Variants in KAZN observed in about 807,000 individuals in gnomAD.
KAZN encodes kazrin.
A neutral mutation model predicts 87.4 loss-of-function variants in KAZN; 40 were observed. The ratio of observed to expected loss-of-function variants is 0.46; its 90% CI spans 0.36 to 0.60. The LOEUF (loss-of-function observed/expected upper bound fraction) is 0.60, where lower values mean the gene tolerates loss of function less well. Among genes scored for constraint, KAZN ranks in the 20% least tolerant of loss-of-function variants. KAZN has a pLI of 0.00. For missense variants in KAZN, 898 were observed against 1,073.9 expected (o/e 0.84, Z 2.29); for synonymous variants, 466 against 458.3 (o/e 1.02, Z -0.22).
chr1:14,740,638 C>T (rs1183912793), intron 1 of KAZN, among the ~76,000 whole-genome samples: 2 of 152,142 alleles, frequency 1.3e-5, no homozygotes, highest in Non-Finnish European at 2.9e-5. Flanking sequence ...CCCCACAGAC[C>T]TCTCCCGCTC....
intron 8 of KAZN, chr1:15,068,166 T>G: frequency 1.2e-6 from 1 of 846,468 alleles, no homozygotes. Flanking sequence ...AATTCTATGT[T>G]ATTTGATTGC....
intron 2 of KAZN, among the ~76,000 whole-genome samples, chr1:14,318,684 C>T (rs934436154): frequency 7.2e-5 from 11 of 151,994 alleles, no homozygotes; most frequent in African/African-American, 1.9e-4. Flanking sequence ...TGAGATCACT[C>T]GATATTGTCG....
At chr1:14,876,146 G>T (rs1217814641) in intron 1 of KAZN, among the ~76,000 whole-genome samples, 2 of 152,248 alleles carry the variant, frequency 1.3e-5, no homozygotes, top group Admixed American at 1.3e-4. Flanking sequence ...GCACCTCAGA[G>T]GCTTGCCGCG....
chr1:14,383,211 A>G (rs1377389941), intron 2 of KAZN, among the ~76,000 whole-genome samples: 1 of 151,742 alleles, frequency 6.6e-6, no homozygotes. Context: ...GATTCTGGAT[A>G]TTAGCCCTTT....
At chr1:14,267,060 C>T (rs1651537876) in intron 2 of KAZN, among the ~76,000 whole-genome samples, 1 of 139,864 alleles carries the variant, frequency 7.1e-6, no homozygotes, top group African/African-American at 2.6e-5. Context: ...ACAACAGTCC[C>T]CGCTGGTGTG....
intron 4 of KAZN, among the ~76,000 whole-genome samples, chr1:15,052,925 G>A (rs544721294): frequency 1.1e-3 from 168 of 152,316 alleles, no homozygotes; most frequent in Non-Finnish European, 2.0e-3. Flanking sequence ...GAAGGAAGCC[G>A]ATGGGTTCAG....
chr1:15,101,349 C>T (rs928241612), intron 10 of KAZN, among the ~76,000 whole-genome samples, 194 bp from the exon 11 acceptor site: 1 of 151,758 alleles, frequency 6.6e-6, no homozygotes, highest in Non-Finnish European at 1.5e-5. Context: ...TCTGCCCTTT[C>T]TGTCTCATTT....
intron 3 of KAZN, among the ~76,000 whole-genome samples, chr1:15,038,359 T>G (rs10927642): frequency 0.26 from 39,353 of 152,068 alleles, 5,420 homozygotes; most frequent in African/African-American, 0.33. Flanking sequence ...CAGGGACTGA[T>G]GTGATGGCTG....
At chr1:14,253,849 C>T (rs1373394376) in intron 2 of KAZN, among the ~76,000 whole-genome samples, 7 of 151,170 alleles carry the variant, frequency 4.6e-5, no homozygotes, top group African/African-American at 1.2e-4. Context: ...ATATTCATGT[C>T]GCAGATGTAT....
intron 1 of KAZN, among the ~76,000 whole-genome samples, chr1:14,893,461 G>A (rs576214978): frequency 1.3e-5 from 2 of 152,284 alleles, no homozygotes; most frequent in African/African-American, 2.4e-5. Context: ...AGTAGGTCAC[G>A]GGGGCTTCTC....
chr1:14,807,203 G>A (rs1646250273), intron 1 of KAZN, among the ~76,000 whole-genome samples: 1 of 152,226 alleles, frequency 6.6e-6, no homozygotes. Flanking sequence ...GGAGGGCACA[G>A]CTTCCTGACT....
chr1:14,854,041 T>C (rs546067219), intron 1 of KAZN, among the ~76,000 whole-genome samples: 1 of 152,280 alleles, frequency 6.6e-6, no homozygotes, highest in African/African-American at 2.4e-5. Flanking sequence ...TAGAACTGCA[T>C]GTGGAAGACC....
intron 1 of KAZN, among the ~76,000 whole-genome samples, chr1:14,816,760 GAATA>G: frequency 6.6e-6 from 1 of 152,190 alleles, no homozygotes; most frequent in Admixed American, 6.5e-5. Flanking sequence ...ATTATAGAAT[GAATA>G]AATACATACA....
chr1:14,257,604 G>A (rs1435841301), intron 2 of KAZN, among the ~76,000 whole-genome samples: 4 of 146,896 alleles, frequency 2.7e-5, no homozygotes, highest in Non-Finnish European at 6.0e-5. Context: ...ATGGTTTTAG[G>A]TCTAACGTTT....
intron 4 of KAZN, among the ~76,000 whole-genome samples, chr1:15,049,666 T>C (rs1674087653): frequency 6.6e-6 from 1 of 151,306 alleles, no homozygotes. Context: ...CCTGTTATTT[T>C]CTGTCTGTGT....
At chr1:14,369,758 A>C (rs1660316445) in intron 2 of KAZN, among the ~76,000 whole-genome samples, 1 of 152,176 alleles carries the variant, frequency 6.6e-6, no homozygotes, top group Non-Finnish European at 1.5e-5. Flanking sequence ...AGTAAGCCCA[A>C]CGTCCCCATG....
At chr1:14,399,185 T>A (rs1663167757) in intron 2 of KAZN, among the ~76,000 whole-genome samples, 2 of 152,060 alleles carry the variant, frequency 1.3e-5, no homozygotes, top group African/African-American at 4.8e-5. Context: ...TTATTTATAT[T>A]TATTTATTTT....
At chr1:14,456,755 G>T (rs1389379042) in intron 2 of KAZN, among the ~76,000 whole-genome samples, 2 of 152,106 alleles carry the variant, frequency 1.3e-5, no homozygotes, top group African/African-American at 4.8e-5. Flanking sequence ...TTTTCTTAAG[G>T]TTATATGCCC....
intron 1 of KAZN, among the ~76,000 whole-genome samples, chr1:14,809,338 G>T (rs1646332141): frequency 6.6e-6 from 1 of 152,218 alleles, no homozygotes; most frequent in Non-Finnish European, 1.5e-5. Flanking sequence ...GGAGCCAAAT[G>T]CCTAGACAGC....
Sources: allele counts gnomAD v4.1 joint callset (sites outside exome capture counted in the v4.1 genomes callset), GRCh38; gene constraint gnomAD v4.1.1; transcripts MANE v1.5; gene names NCBI Gene and HGNC (gene_info 2026-07-23, HGNC 2026-07-21).